RNF149: variants seen among roughly 807,000 people sequenced by gnomAD.
The protein encoded by RNF149 is ring finger protein 149, also known as E3 ubiquitin-protein ligase RNF149.
In RNF149, 21 loss-of-function variants were observed where a neutral mutation model predicts 39.0. The observed-to-expected ratio is 0.54, with a 90% CI of 0.38 to 0.77. The LOEUF is 0.77. Ranked by LOEUF, RNF149 falls within the 30% of genes least tolerant of loss-of-function variation. RNF149 has a pLI of 0.00. For missense variants in RNF149, 493 were observed against 534.9 expected, an observed-to-expected ratio of 0.92 and a Z score of 0.77; for synonymous variants, 209 against 213.6, an observed-to-expected ratio of 0.98 and a Z score of 0.19.
At position 101,300,765 on chromosome 2, in the gene RNF149, C is replaced by T. The variant is rs1393573110; in HGVS notation, c.461-5584G>A. Among the ~76,000 whole-genome samples, 13 of 152,220 alleles carry T rather than the reference C, an allele frequency of 8.5e-5. 1 individual carries two copies. In the East Asian group the frequency reaches 9.6e-4, roughly 11 times the overall value. Reference sequence around the variant, plus strand: ...TTTAAATTAACAAAACCCAGAACGACGGCTCTTTATACCCTGAGATTTGCT... The same window carrying T: ...TTTAAATTAACAAAACCCAGAACGATGGCTCTTTATACCCTGAGATTTGCT... On this transcript the variant is annotated intron_variant, in intron 1 of 6. Transcript: ENST00000295317.
At chr2:101,273,244 C>T (rs879606498), downstream of RNF149, 40 of 687,250 alleles carry the variant, frequency 5.8e-5, no homozygotes, top group African/African-American at 3.9e-4. Context: ...CAGGGGGCTG[C>T]GGAGAGCAGC....
Position 101,308,187 on chromosome 2 carries a change from G to T in RNF149, c.402C>A (p.Ala134=), listed in dbSNP as rs138453807. The change falls in exon 1 of 7, where the codon GCC becomes GCA. Residue 134 remains alanine (A), a synonymous_variant. Coordinates refer to ENST00000295317, the MANE Select transcript of RNF149 (RefSeq NM_173647.4). ...AGCGCTCCTCATTGTAGAGGACGAC[G>T]GCCGAGGCGTTCCTCCGCGCCGCCA... ...VLVAARRNAS[A]VVLYNEERYG... 6.2e-7 allele frequency: 1 copy of T among 1,610,612 alleles called. No individual in the cohort carries two copies. Among genetic ancestry groups the T allele is most frequent in the East Asian group, 2.2e-5 (1 of 44,750 alleles).
At chr2:101,271,600 CAAAA>C (rs5832957), downstream of RNF149, 8 of 129,974 alleles carry the variant, frequency 6.2e-5, no homozygotes, top group African/African-American at 8.7e-5. Flanking sequence ...CCACTGCACT[CAAAA>C]AAAAAAAAAA....
intron 1 of RNF149, among the ~76,000 whole-genome samples, chr2:101,302,697 C>T (rs542078687): frequency 7.9e-5 from 12 of 152,214 alleles, no homozygotes; most frequent in African/African-American, 2.4e-4. Flanking sequence ...AACTCAACCT[C>T]GGCCAGGTGT....
rs972830419 is a variant in RNF149, at chr2:101,276,830, G to A, written c.*408C>T. 8 of 988,830 alleles carry A rather than the reference G, an allele frequency of 8.1e-6. No homozygotes were observed. The highest frequency in any genetic ancestry group is 2.3e-4 in the East Asian group (2 of 8,868). The allele number at this position is 988,830 out of a possible 1,614,324, so 61.3% of individuals were successfully genotyped here. On this transcript the variant is annotated 3_prime_UTR_variant, in exon 7 of 7. Transcript: ENST00000295317. ...GGGAAAGCCCATGAGATCAATTATCGAATTGAATTATACAATTCCACTTCA... is the reference window on the plus strand; with the variant it reads ...GGGAAAGCCCATGAGATCAATTATCAAATTGAATTATACAATTCCACTTCA...
chr2:101,276,081 T>G lies in RNF149; in HGVS notation c.*1157A>C, dbSNP rs184461711. Reference sequence around the variant, plus strand: ...ATGGCTATAAAAATAAATTTATAATTTTAAAAATTGTTTTAAATAAACATT... The same window carrying G: ...ATGGCTATAAAAATAAATTTATAATGTTAAAAATTGTTTTAAATAAACATT... On this transcript the variant is annotated 3_prime_UTR_variant, in exon 7 of 7. Coordinates refer to ENST00000295317, the MANE Select transcript of RNF149 (RefSeq NM_173647.4). The G allele has an allele frequency of 6.4e-5, 56 of 876,314 alleles. No individual in the cohort carries two copies. The African/African-American group carries it at 1.0e-3, about 16-fold the overall frequency. The allele number at this position is 876,314 out of a possible 1,614,324, so 54.3% of individuals were successfully genotyped here.
In RNF149 at chr2:101,276,588, CCT is replaced by C; in HGVS notation, c.*648_*649del. The C allele has an allele frequency of 1.0e-6, 1 of 985,564 alleles. No homozygotes were observed. Among genetic ancestry groups the C allele is most frequent in the Non-Finnish European group, 1.2e-6 (1 of 829,888 alleles). 61.1% of individuals were successfully genotyped at this position (985,564 alleles called of 1,614,324 possible). A position where few individuals can be genotyped will look rare whatever the true frequency, so the allele number is the denominator to read the frequency against. ...TTGTAGGAAAAAATAAACAGATTTC[CCT>C]CCCCAACAAGGCGTCACAAGAAATG... is the stretch of plus-strand genomic sequence containing the variant. On this transcript the variant is annotated 3_prime_UTR_variant, in exon 7 of 7. Coordinates refer to ENST00000295317, the MANE Select transcript of RNF149 (RefSeq NM_173647.4).
At chr2:101,304,901 C>T (rs1573267646) in intron 1 of RNF149, among the ~76,000 whole-genome samples, 1 of 144,074 alleles carries the variant, frequency 6.9e-6, no homozygotes, top group East Asian at 2.1e-4. Context: ...AGTACAGTGG[C>T]ACAATCTCGG....
chr2:101,285,746 G>A (rs988015332), intron 5 of RNF149, among the ~76,000 whole-genome samples: 1 of 152,110 alleles, frequency 6.6e-6, no homozygotes, highest in African/African-American at 2.4e-5. Context: ...AACCTATGAG[G>A]CTCCTTCCTT....
intron 6 of RNF149, among the ~76,000 whole-genome samples, chr2:101,278,369 G>A (rs1266454957): frequency 6.6e-6 from 1 of 152,094 alleles, no homozygotes; most frequent in Non-Finnish European, 1.5e-5. Context: ...CTGGCCTCAT[G>A]CGATGCAATC....
At chr2:101,285,282 TA>T (rs1682754927) in intron 5 of RNF149, among the ~76,000 whole-genome samples, 1 of 152,142 alleles carries the variant, frequency 6.6e-6, no homozygotes, top group Non-Finnish European at 1.5e-5. Context: ...AAATATAACC[TA>T]AAAAAATATA....
chr2:101,295,228 T>A (rs1170609574), intron 1 of RNF149, 47 bp from the exon 2 acceptor site: 1 of 1,501,364 alleles, frequency 6.7e-7, no homozygotes, highest in Non-Finnish European at 9.2e-7. Flanking sequence ...CAAAATAAGA[T>A]ACAGAGAACA....
rs780129500 is a variant in RNF149 at position 101,308,283 on chromosome 2, G to A, written c.306C>T (p.Gly102=). ...CGACCCAGGGCGCGGCCCCTCGGCCGCCGGGCTCGGGCACGAAGAAGCGCG... is the reference window on the plus strand; with the variant it reads ...CGACCCAGGGCGCGGCCCCTCGGCCACCGGGCTCGGGCACGAAGAAGCGCG... ...PDTRFFVPEP[G]GRGAAPWVAL... The change falls in exon 1 of 7, where the codon GGC becomes GGT. Residue 102 remains glycine (G), a synonymous_variant. Transcript: ENST00000295317. 1.3e-6 allele frequency: 2 copies of A among 1,575,022 alleles called. No individual in the cohort carries two copies. Among genetic ancestry groups the A allele is most frequent in the South Asian group, 1.1e-5 (1 of 87,934 alleles).
At chr2:101,292,677 A>G (rs1328657044) in intron 3 of RNF149, among the ~76,000 whole-genome samples, 2 of 152,176 alleles carry the variant, frequency 1.3e-5, no homozygotes, top group Non-Finnish European at 2.9e-5. Flanking sequence ...GAGGCAGGAG[A>G]ATGGCGTGAA....
At chr2:101,297,288 A>C (rs116391730) in intron 1 of RNF149, among the ~76,000 whole-genome samples, 1 of 152,192 alleles carries the variant, frequency 6.6e-6, no homozygotes, top group Non-Finnish European at 1.5e-5. Flanking sequence ...CTAATTTCCT[A>C]TAAGAGTAAT....
Position 101,277,104 on chromosome 2 carries a change from T to C in RNF149, c.*134A>G. The stretch of plus-strand genomic sequence containing the variant: ...AGAAAATATCTTAGTCCTTTGTATA[T>C]CAAATCAGAATCTAATAGGTAAAAT... On this transcript the variant is annotated 3_prime_UTR_variant, in exon 7 of 7. Coordinates refer to ENST00000295317, the MANE Select transcript of RNF149 (RefSeq NM_173647.4). 12 of 1,437,302 alleles carry C rather than the reference T, an allele frequency of 8.3e-6. No homozygotes were observed. The highest frequency in any genetic ancestry group is 2.7e-5 in the South Asian group (2 of 75,184). 89.0% of individuals were successfully genotyped at this position (1,437,302 alleles called of 1,614,324 possible).
At chr2:101,298,932 T>C (rs1683344932) in intron 1 of RNF149, among the ~76,000 whole-genome samples, 1 of 152,300 alleles carries the variant, frequency 6.6e-6, no homozygotes, top group South Asian at 2.1e-4. Flanking sequence ...TGTAGATCAC[T>C]TGAGGTTAGG....
At chr2:101,290,206 C>T (rs1434773318) in intron 3 of RNF149, among the ~76,000 whole-genome samples, 1 of 152,138 alleles carries the variant, frequency 6.6e-6, no homozygotes, top group East Asian at 1.9e-4. Flanking sequence ...AAGGAACTTT[C>T]AACAACATTT....
chr2:101,276,812 C>T lies in RNF149; in HGVS notation c.*426G>A. On this transcript the variant is annotated 3_prime_UTR_variant, in exon 7 of 7. Coordinates refer to ENST00000295317, the MANE Select transcript of RNF149 (RefSeq NM_173647.4). The stretch of plus-strand genomic sequence containing the variant: ...AAAAAAACCTTTCCTCCAGGGAAAG[C>T]CCATGAGATCAATTATCGAATTGAA... The T allele has an allele frequency of 2.0e-6, 2 of 988,940 alleles. No individual in the cohort carries two copies. Among genetic ancestry groups the T allele is most frequent in the Non-Finnish European group, 2.4e-6 (2 of 831,682 alleles). 61.3% of individuals were successfully genotyped at this position (988,940 alleles called of 1,614,324 possible).
Sources: allele counts gnomAD v4.1 joint callset (sites outside exome capture counted in the v4.1 genomes callset), GRCh38; gene constraint gnomAD v4.1.1; transcripts MANE v1.5; gene names NCBI Gene and HGNC (gene_info 2026-07-23, HGNC 2026-07-21).